Variants in NLGN1 observed in about 807,000 individuals in gnomAD.
NLGN1 encodes neuroligin-1.
Under a neutral mutation model 65.5 loss-of-function variants are expected in NLGN1, and 12 were observed. That is an observed-to-expected ratio of 0.18 (90% CI 0.12 to 0.30). The LOEUF (loss-of-function observed/expected upper bound fraction) is 0.30, where lower values mean the gene tolerates loss of function less well. Ranked by LOEUF, NLGN1 falls within the 10% of genes least tolerant of loss-of-function variation. The pLI is 1.00. For missense variants in NLGN1, 750 were observed against 1,007.1 expected (o/e 0.74, Z 3.46); for synonymous variants, 350 against 359.5 (o/e 0.97, Z 0.30).
the NLGN1 span, among the ~76,000 whole-genome samples, chr3:174,292,200 A>C: frequency 4.0e-5 from 6 of 151,440 alleles, no homozygotes; most frequent in East Asian, 1.2e-3. Flanking sequence ...ACTTTAAAAA[A>C]AGTTATGCAA....
At chr3:174,254,780 C>T (rs1279166626) in intron 4 of NLGN1, among the ~76,000 whole-genome samples, 1 of 149,932 alleles carries the variant, frequency 6.7e-6, no homozygotes, top group South Asian at 2.1e-4. Flanking sequence ...CAAGAAAAAT[C>T]AATAAAGTTA....
chr3:173,407,935 G>C (rs1157922399), intron 1 of NLGN1, among the ~76,000 whole-genome samples: 1 of 152,150 alleles, frequency 6.6e-6, no homozygotes, highest in Non-Finnish European at 1.5e-5. Context: ...GAAAGAGTTT[G>C]CGTCCACTAA....
chr3:174,113,877 A>G (rs2152625068), intron 4 of NLGN1, among the ~76,000 whole-genome samples: 1 of 152,294 alleles, frequency 6.6e-6, no homozygotes, highest in Middle Eastern at 3.4e-3. Context: ...TGACAATTGG[A>G]AGAGTCTATA....
intron 2 of NLGN1, among the ~76,000 whole-genome samples, chr3:173,526,570 A>T (rs1033367884): frequency 6.6e-6 from 1 of 152,108 alleles, no homozygotes; most frequent in East Asian, 1.9e-4. Flanking sequence ...TGGGGTATCT[A>T]TTGCTTCAAG....
At chr3:174,024,597 A>G (rs291946) in intron 4 of NLGN1, among the ~76,000 whole-genome samples, 145,934 of 152,236 alleles carry the variant, frequency 0.96, 70,001 homozygotes, top group East Asian at 1. Flanking sequence ...CATCCAAGGC[A>G]TTTCTGAAAA....
intron 4 of NLGN1, among the ~76,000 whole-genome samples, chr3:173,860,321 T>G (rs1214130210): frequency 2.0e-5 from 3 of 152,188 alleles, no homozygotes; most frequent in African/African-American, 7.2e-5. Flanking sequence ...ACCCATATAT[T>G]ATTTAAAAGT....
At chr3:174,231,287 C>G (rs1740654669) in intron 4 of NLGN1, among the ~76,000 whole-genome samples, 1 of 152,116 alleles carries the variant, frequency 6.6e-6, no homozygotes, top group African/African-American at 2.4e-5. Flanking sequence ...CGCCGAGACT[C>G]CGGGTGTGCC....
intron 4 of NLGN1, among the ~76,000 whole-genome samples, chr3:173,852,339 G>C (rs1406272585): frequency 9.5e-6 from 1 of 104,850 alleles, no homozygotes; most frequent in Admixed American, 1.6e-4. Context: ...CTGGGCAACA[G>C]AGCGAGACTC....
intron 3 of NLGN1, among the ~76,000 whole-genome samples, chr3:173,627,102 GTTTT>G (rs902685308): frequency 1.5e-4 from 23 of 151,966 alleles, no homozygotes; most frequent in African/African-American, 5.3e-4. Context: ...TCTACCATGG[GTTTT>G]TTGTTTGTTT....
chr3:173,839,673 T>G (rs2220420), intron 4 of NLGN1, among the ~76,000 whole-genome samples: 126,571 of 151,652 alleles, frequency 0.83, 53,548 homozygotes, highest in African/African-American at 0.88. Flanking sequence ...CACCTGCCTC[T>G]GCCTCCCAAA....
chr3:174,129,883 G>A (rs1719798510), intron 4 of NLGN1, among the ~76,000 whole-genome samples: 1 of 152,206 alleles, frequency 6.6e-6, no homozygotes, highest in Admixed American at 6.5e-5. Context: ...AAGTTCATGT[G>A]TAATTTTCAA....
At chr3:174,055,429 G>A (rs534720221) in intron 4 of NLGN1, among the ~76,000 whole-genome samples, 1 of 152,066 alleles carries the variant, frequency 6.6e-6, no homozygotes, top group East Asian at 1.9e-4. Context: ...GAGGCCAAAA[G>A]GGCACCGAAT....
chr3:173,650,990 T>C (rs1188051823), intron 3 of NLGN1, among the ~76,000 whole-genome samples: 1 of 152,010 alleles, frequency 6.6e-6, no homozygotes, highest in Non-Finnish European at 1.5e-5. Flanking sequence ...ATGGATAAAT[T>C]GTGTAGTGTT....
chr3:173,952,144 G>A (rs1006559228), intron 4 of NLGN1, among the ~76,000 whole-genome samples: 1 of 152,146 alleles, frequency 6.6e-6, no homozygotes, highest in Non-Finnish European at 1.5e-5. Flanking sequence ...TTCCGACATA[G>A]CAAACTTCCT....
intron 4 of NLGN1, among the ~76,000 whole-genome samples, chr3:174,164,818 G>C (rs886326936): frequency 1.4e-4 from 21 of 151,644 alleles, no homozygotes; most frequent in African/African-American, 4.8e-4. Context: ...TCCCAATGCT[G>C]TTTTTTTCCA....
chr3:173,850,035 T>C (rs1021434548), intron 4 of NLGN1, among the ~76,000 whole-genome samples: 1 of 152,162 alleles, frequency 6.6e-6, no homozygotes, highest in Non-Finnish European at 1.5e-5. Flanking sequence ...TAATATTTGC[T>C]GTAGAAAATT....
At chr3:174,093,835 C>T (rs1243340735) in intron 4 of NLGN1, among the ~76,000 whole-genome samples, 1 of 152,186 alleles carries the variant, frequency 6.6e-6, no homozygotes, top group Non-Finnish European at 1.5e-5. Flanking sequence ...CTTTGCTCCT[C>T]TCACCTCCAA....
intron 4 of NLGN1, among the ~76,000 whole-genome samples, chr3:174,177,782 G>A (rs1729710336): frequency 6.6e-6 from 1 of 151,944 alleles, no homozygotes; most frequent in South Asian, 2.1e-4. Context: ...AAATATGAGT[G>A]GTCTTGACAA....
chr3:173,668,875 C>T (rs1214957366), intron 3 of NLGN1, among the ~76,000 whole-genome samples: 4 of 152,202 alleles, frequency 2.6e-5, no homozygotes, highest in African/African-American at 4.8e-5. Context: ...CCGCCCGCCT[C>T]GGCCTCCCAA....
Sources: allele counts gnomAD v4.1 joint callset (sites outside exome capture counted in the v4.1 genomes callset), GRCh38; gene constraint gnomAD v4.1.1; transcripts MANE v1.5; gene names NCBI Gene and HGNC (gene_info 2026-07-23, HGNC 2026-07-21).